The following C12orf75 variants were observed in gnomAD, a reference collection of about 807,000 sequenced individuals.
C12orf75 encodes the protein overexpressed in colon carcinoma 1 protein.
C12orf75 carries 4 observed loss-of-function variants against 11.4 expected under a neutral mutation model. The observed-to-expected ratio is 0.35, with a 90% CI of 0.17 to 0.80. C12orf75 has a LOEUF of 0.80. Among genes scored for constraint, C12orf75 ranks in the 30% least tolerant of loss-of-function variants. The probability of loss-of-function intolerance (pLI) is 0.52; values close to 1 mark genes in which losing one functional copy is unlikely to be tolerated. For missense variants in C12orf75, 89 were observed against 80.4 expected, an observed-to-expected ratio of 1.11 and a Z score of -0.41; for synonymous variants, 30 against 30.0, an observed-to-expected ratio of 1.00 and a Z score of 0.00.
chr12:105,336,500 G>C (rs1238963738), intron 1 of C12orf75, among the ~76,000 whole-genome samples: 1 of 152,200 alleles, frequency 6.6e-6, no homozygotes, highest in Non-Finnish European at 1.5e-5. Context: ...TATACTACTT[G>C]TTATCAGTAT....
chr12:105,366,431 A>G, intron 3 of C12orf75, 186 bp from the exon 4 acceptor site: 1 of 395,664 alleles, frequency 2.5e-6, no homozygotes, highest in Non-Finnish European at 4.5e-6. Context: ...TTTTTTTAAA[A>G]AAAATAGCTT....
At chr12:105,364,334 A>G (rs925982991) in intron 2 of C12orf75, among the ~76,000 whole-genome samples, 2 of 152,072 alleles carry the variant, frequency 1.3e-5, no homozygotes, top group African/African-American at 4.8e-5. Flanking sequence ...TAAAAAAACA[A>G]TCCAGCGTTA....
At chr12:105,369,534 T>C (rs1377046879) in intron 5 of C12orf75, among the ~76,000 whole-genome samples, 1 of 152,210 alleles carries the variant, frequency 6.6e-6, no homozygotes, top group Non-Finnish European at 1.5e-5. Context: ...GGTGGTTTGC[T>C]GCACCTATCA....
At chr12:105,349,014 A>G (rs1330512402) in intron 2 of C12orf75, among the ~76,000 whole-genome samples, 5 of 152,208 alleles carry the variant, frequency 3.3e-5, no homozygotes, top group African/African-American at 9.7e-5. Context: ...GGGGCCAAGC[A>G]GTTACCAAGT....
chr12:105,361,069 C>T (rs1430754349), intron 2 of C12orf75, among the ~76,000 whole-genome samples: 1 of 152,128 alleles, frequency 6.6e-6, no homozygotes, highest in Non-Finnish European at 1.5e-5. Flanking sequence ...AGCCACCGCG[C>T]CTGCCCTGTA....
At chr12:105,331,622 AC>A (rs1485813132) in intron 1 of C12orf75, among the ~76,000 whole-genome samples, 1 of 151,128 alleles carries the variant, frequency 6.6e-6, no homozygotes, top group Non-Finnish European at 1.5e-5. Context: ...ACACACACAC[AC>A]AAATAGAAAC....
chr12:105,353,587 G>T (rs953761431), intron 2 of C12orf75: 1 of 152,122 alleles, frequency 6.6e-6, no homozygotes, highest in Non-Finnish European at 1.5e-5. Flanking sequence ...GGGAGAAATT[G>T]TAAGTGGGCA....
At chr12:105,331,202 C>T (rs1372333886) in intron 1 of C12orf75, among the ~76,000 whole-genome samples, 1 of 151,856 alleles carries the variant, frequency 6.6e-6, no homozygotes, top group African/African-American at 2.4e-5. Flanking sequence ...CTGCAGCCGC[C>T]GGGGCTCACC....
intron 2 of C12orf75, among the ~76,000 whole-genome samples, chr12:105,353,077 T>C (rs149542415): frequency 6.6e-6 from 1 of 152,328 alleles, no homozygotes; most frequent in Non-Finnish European, 1.5e-5. Flanking sequence ...TGCGTTGGGA[T>C]ATTTTTGGTA....
chr12:105,335,936 G>C (rs1022664884), intron 1 of C12orf75, among the ~76,000 whole-genome samples: 5 of 152,376 alleles, frequency 3.3e-5, no homozygotes, highest in Admixed American at 1.3e-4. Flanking sequence ...TGGGCACACT[G>C]TACTGATGTA....
At chr12:105,346,502 A>G (rs1000499365) in intron 1 of C12orf75, among the ~76,000 whole-genome samples, 1 of 152,110 alleles carries the variant, frequency 6.6e-6, no homozygotes, top group Admixed American at 6.6e-5. Context: ...TACTGTTGGC[A>G]GTTTTTCCTG....
intron 2 of C12orf75, among the ~76,000 whole-genome samples, chr12:105,357,308 C>T (rs998504971): frequency 6.6e-6 from 1 of 152,174 alleles, no homozygotes; most frequent in Non-Finnish European, 1.5e-5. Flanking sequence ...AGAGGAAACC[C>T]GAAGCCATCC....
rs141588948 is a variant in C12orf75 at position 105,334,989 on chromosome 12, G to A, written c.46+4052G>A. ...CAGGCTAAGGCTGTAGAAATTATTT[G>A]CAGCAGGAGTTATCTCAGAAATATT... On this transcript the variant is annotated intron_variant, in intron 1 of 5. Transcript: ENST00000443585. Among the ~76,000 whole-genome samples the A allele has an allele frequency of 7.9e-3, 1,199 of 152,308 alleles. 29 individuals carry two copies. The highest frequency in any genetic ancestry group is 0.057 in the Admixed American group (872 of 15,300).
At chr12:105,340,189 GC>G (rs995641811) in intron 1 of C12orf75, among the ~76,000 whole-genome samples, 4 of 151,900 alleles carry the variant, frequency 2.6e-5, no homozygotes, top group Non-Finnish European at 4.4e-5. Context: ...ACTTTGGGAG[GC>G]AGAGGCGGGT....
At chr12:105,368,256 A>G (rs1365959693) in intron 5 of C12orf75, among the ~76,000 whole-genome samples, 1 of 152,182 alleles carries the variant, frequency 6.6e-6, no homozygotes, top group African/African-American at 2.4e-5. Flanking sequence ...AGGGTCCAAC[A>G]ACACATTCCA....
At chr12:105,354,196 G>T (rs1168471441) in intron 2 of C12orf75, among the ~76,000 whole-genome samples, 1 of 152,166 alleles carries the variant, frequency 6.6e-6, no homozygotes, top group Non-Finnish European at 1.5e-5. Flanking sequence ...CATTTTGGAA[G>T]CAGAGGGACT....
intron 2 of C12orf75, among the ~76,000 whole-genome samples, chr12:105,365,351 G>A (rs1291519837): frequency 6.6e-6 from 1 of 152,156 alleles, no homozygotes; most frequent in African/African-American, 2.4e-5. Flanking sequence ...TGTCATAAGA[G>A]ATCTAAAACC....
chr12:105,332,409 G>T (rs1039115409), intron 1 of C12orf75, among the ~76,000 whole-genome samples: 15 of 152,114 alleles, frequency 9.9e-5, no homozygotes, highest in Non-Finnish European at 1.8e-4. Flanking sequence ...TTTAGGGATG[G>T]GGAGGGGGTA....
intron 1 of C12orf75, among the ~76,000 whole-genome samples, chr12:105,344,182 C>A (rs1892608031): frequency 6.6e-6 from 1 of 152,196 alleles, no homozygotes; most frequent in Non-Finnish European, 1.5e-5. Context: ...TTTGTAAACT[C>A]ATTTCTCATT....
Sources: allele counts gnomAD v4.1 joint callset (sites outside exome capture counted in the v4.1 genomes callset), GRCh38; gene constraint gnomAD v4.1.1; transcripts MANE v1.5; gene names NCBI Gene and HGNC (gene_info 2026-07-23, HGNC 2026-07-21).